The following ZFHX3 variants were observed in gnomAD, a reference collection of about 807,000 sequenced individuals.
ZFHX3 encodes zinc finger homeobox protein 3.
In ZFHX3, 42 loss-of-function variants were observed where a neutral mutation model predicts 279.1. The ratio of observed to expected loss-of-function variants is 0.15; its 90% CI spans 0.12 to 0.19. The LOEUF (loss-of-function observed/expected upper bound fraction) is 0.19, where lower values mean the gene tolerates loss of function less well. Ranked by LOEUF, ZFHX3 falls within the 10% of genes least tolerant of loss-of-function variation. The probability of loss-of-function intolerance (pLI) is 1.00; values close to 1 mark genes in which losing one functional copy is unlikely to be tolerated. For missense variants in ZFHX3, 4,981 were observed against 4,754.0 expected, an observed-to-expected ratio of 1.05 and a Z score of -1.40; for synonymous variants, 2,293 against 1,957.8, an observed-to-expected ratio of 1.17 and a Z score of -4.52.
intron 2 of ZFHX3, among the ~76,000 whole-genome samples, chr16:73,556,249 C>T (rs1030502303): frequency 6.6e-6 from 1 of 152,012 alleles, no homozygotes; most frequent in Non-Finnish European, 1.5e-5. Context: ...AGCCCAGAGA[C>T]AATCTTACCA....
chr16:73,532,235 G>A (rs1389232315), intron 2 of ZFHX3, among the ~76,000 whole-genome samples: 1 of 152,138 alleles, frequency 6.6e-6, no homozygotes, highest in African/African-American at 2.4e-5. Context: ...TTGAATCATG[G>A]GGGTGGTTCT....
chr16:73,870,111 C>T (rs1477261231), intron 1 of ZFHX3, among the ~76,000 whole-genome samples: 2 of 152,170 alleles, frequency 1.3e-5, no homozygotes, highest in Non-Finnish European at 2.9e-5. Context: ...TTCATCTTTT[C>T]CATCTTCCTC....
At chr16:73,106,093 G>A (rs748720067) in intron 7 of ZFHX3, among the ~76,000 whole-genome samples, 4 of 151,946 alleles carry the variant, frequency 2.6e-5, no homozygotes, top group Non-Finnish European at 4.4e-5. Context: ...GACCTGTTAG[G>A]GGCTTCTCTT....
chr16:72,873,116 G>T (rs1208997047), intron 4 of ZFHX3, among the ~76,000 whole-genome samples: 1 of 152,138 alleles, frequency 6.6e-6, no homozygotes, highest in Non-Finnish European at 1.5e-5. Flanking sequence ...TACTCACTAC[G>T]GATCATCTTG....
chr16:73,454,156 C>A lies in ZFHX3; in HGVS notation c.-1291+1847G>T, dbSNP rs576155673. On this transcript the variant is annotated intron_variant, in intron 3 of 17. Coordinates refer to the ZFHX3 transcript ENST00000641206. ...TCAGAATCCATGAGCATAATAAAAT[C>A]ACAGCTGTTTTACACCATTGTGTTT... is the stretch of plus-strand genomic sequence containing the variant. 2.6e-5 allele frequency among the ~76,000 whole-genome samples: 4 copies of A among 152,254 alleles called. No homozygotes were observed. The South Asian group carries it at 6.2e-4, about 24-fold the overall frequency.
rs369944782 is a variant in ZFHX3, at chr16:73,810,808, A to C, written c.-1608+80843T>G. Among the ~76,000 whole-genome samples, 46 of 152,290 alleles carry C rather than the reference A, an allele frequency of 3.0e-4. 1 individual carries two copies. In the East Asian group the frequency reaches 7.9e-3, roughly 26 times the overall value. On this transcript the variant is annotated intron_variant, in intron 1 of 17. Transcript: ENST00000641206. ...CTTGAGTACATCACTCACCATTCTG[A>C]GCTTGTCTATCTGTAAAAGGGGTTA...
At chr16:72,933,187 G>A (rs1166039107) in intron 3 of ZFHX3, among the ~76,000 whole-genome samples, 1 of 152,092 alleles carries the variant, frequency 6.6e-6, no homozygotes, top group Non-Finnish European at 1.5e-5. Flanking sequence ...GGCCTCTCCC[G>A]CAGTAGCTTG....
chr16:73,060,525 CT>C (rs995174826), upstream of ZFHX3: 10 of 135,134 alleles, frequency 7.4e-5, no homozygotes, highest in African/African-American at 2.7e-4. Flanking sequence ...TCTCTCCCCC[CT>C]CTTCTCTGTC....
At chr16:73,788,179 A>C (rs1014249824) in intron 1 of ZFHX3, among the ~76,000 whole-genome samples, 1 of 152,154 alleles carries the variant, frequency 6.6e-6, no homozygotes, top group Non-Finnish European at 1.5e-5. Flanking sequence ...AAGACAACCA[A>C]TTCTGAGCCA....
chr16:73,740,752 C>A (rs986564584), intron 1 of ZFHX3, among the ~76,000 whole-genome samples: 2 of 152,292 alleles, frequency 1.3e-5, no homozygotes, highest in South Asian at 2.1e-4. Context: ...ACCTGCCAAG[C>A]CCCAGATTCT....
chr16:73,239,140 T>A (rs904140752), intron 5 of ZFHX3, among the ~76,000 whole-genome samples: 1 of 152,236 alleles, frequency 6.6e-6, no homozygotes, highest in African/African-American at 2.4e-5. Context: ...TTACTATTTT[T>A]ATTCCAAGTA....
At chr16:73,551,415 T>C (rs955995808) in intron 2 of ZFHX3, among the ~76,000 whole-genome samples, 1 of 152,170 alleles carries the variant, frequency 6.6e-6, no homozygotes, top group African/African-American at 2.4e-5. Flanking sequence ...AAAGTAAATA[T>C]CTAATTAAAA....
chr16:72,901,144 G>A (rs1425032440), intron 3 of ZFHX3, among the ~76,000 whole-genome samples: 1 of 152,110 alleles, frequency 6.6e-6, no homozygotes, highest in South Asian at 2.1e-4. Flanking sequence ...ATTTCCCAGG[G>A]CTGTCGCTGG....
chr16:73,318,311 C>T (rs1024519254), exon 4 of ZFHX3: 1 of 152,150 alleles, frequency 6.6e-6, no homozygotes, highest in Non-Finnish European at 1.5e-5. Context: ...TCGGCCCGAC[C>T]TCTTCCCACA....
intron 4 of ZFHX3, among the ~76,000 whole-genome samples, chr16:73,279,478 A>G (rs1812623396): frequency 6.6e-6 from 1 of 152,158 alleles, no homozygotes; most frequent in African/African-American, 2.4e-5. Context: ...TTATATTGAG[A>G]AAATAATTTT....
At chr16:73,500,398 G>A (rs749256678) in intron 2 of ZFHX3, among the ~76,000 whole-genome samples, 1 of 151,978 alleles carries the variant, frequency 6.6e-6, no homozygotes, top group Non-Finnish European at 1.5e-5. Flanking sequence ...TGTGATCTCC[G>A]CTCACTGCAG....
intron 7 of ZFHX3, among the ~76,000 whole-genome samples, chr16:73,104,221 G>GTATTTATGTATTTATTTATTTATT (rs142056511): frequency 5.3e-5 from 8 of 151,506 alleles, no homozygotes; most frequent in South Asian, 2.1e-4. Flanking sequence ...TTTATTTTAT[G>GTATTTATGTATTTATTTATTTATT]TATTTATTTA....
chr16:73,763,918 C>T (rs2053898855), intron 1 of ZFHX3, among the ~76,000 whole-genome samples: 1 of 137,206 alleles, frequency 7.3e-6, no homozygotes, highest in Non-Finnish European at 1.5e-5. Context: ...CAACCAGGGG[C>T]AGGGGGTGGG....
At chr16:73,716,612 A>AACACACAC (rs144449904) in intron 1 of ZFHX3, among the ~76,000 whole-genome samples, 51 of 31,692 alleles carry the variant, frequency 1.6e-3, no homozygotes, top group African/African-American at 2.5e-3. Context: ...TCTTACTCTG[A>AACACACAC]ACACACACAC....
Sources: gnomAD v4.1 joint callset for allele counts (sites outside exome capture counted in the v4.1 genomes callset) on GRCh38, gnomAD v4.1.1 for gene constraint, MANE v1.5 for transcripts, NCBI Gene and HGNC (gene_info 2026-07-23, HGNC 2026-07-21) for gene names.